NPHP4: variants seen among roughly 807,000 people sequenced by gnomAD.
NPHP4 encodes the protein nephrocystin 4.
A neutral mutation model predicts 155.8 loss-of-function variants in NPHP4; 151 were observed. The observed-to-expected ratio is 0.97, with a 90% CI of 0.85 to 1.11. The LOEUF is 1.11. NPHP4 is among the 50% of genes least tolerant of loss of function. NPHP4 has a pLI of 0.00. For synonymous variants in NPHP4, 845 were observed against 816.8 expected (o/e 1.03, Z -0.59); for missense variants, 1,956 against 1,925.7 (o/e 1.02, Z -0.29).
Position 5,867,717 on chromosome 1 carries a change from T to A in NPHP4, c.3472+23A>T. The A allele has an allele frequency of 6.2e-7, 1 of 1,605,800 alleles. No homozygotes were observed. The highest frequency in any genetic ancestry group is 8.5e-7 in the Non-Finnish European group (1 of 1,179,012). On this transcript the variant is annotated intron_variant, in intron 24 of 29. Transcript: ENST00000378156. The surrounding 1 kb of genome is among the most constrained non-coding windows in gnomAD (Gnocchi z 4.1). ...ACAGGTGAGCCTGCAACATGTGGGC[T>A]GCAGGGTCAGTGCAGGACCTGCCTG...
rs182955591 is a variant in NPHP4 at position 5,900,899 on chromosome 1, G to A, written c.2143+3718C>T. On this transcript the variant is annotated intron_variant, in intron 16 of 29. Transcript: ENST00000378156. ...TACAAAAAAAATATTAGTTGGGCAT[G>A]GTGGTGCATGCCTGTGGTCCCAGCT... Among the ~76,000 whole-genome samples, 86 of 152,214 alleles carry A rather than the reference G, an allele frequency of 5.6e-4. 1 individual carries two copies. In the East Asian group the frequency reaches 0.015, roughly 27 times the overall value.
At chr1:5,981,281 C>G (rs1025742178) in intron 2 of NPHP4, among the ~76,000 whole-genome samples, 2 of 152,170 alleles carry the variant, frequency 1.3e-5, no homozygotes, top group African/African-American at 4.8e-5. Flanking sequence ...CCTCCCACCA[C>G]CTCTATGCTA....
intron 29 of NPHP4, 70 bp downstream of exon 29, chr1:5,863,820 G>T: frequency 6.5e-7 from 1 of 1,530,068 alleles, no homozygotes; most frequent in Non-Finnish European, 9.0e-7. Context: ...GCTCCTAAAT[G>T]CAGGCTAACT....
chr1:5,946,672 T>C (rs1260593101), intron 9 of NPHP4, among the ~76,000 whole-genome samples: 1 of 152,222 alleles, frequency 6.6e-6, no homozygotes, highest in Non-Finnish European at 1.5e-5. Flanking sequence ...TGGTAGCCCC[T>C]AGGTGGCTTC....
chr1:5,894,686 CA>C (rs940495336), intron 16 of NPHP4, among the ~76,000 whole-genome samples: 131 of 142,736 alleles, frequency 9.2e-4, no homozygotes, highest in Middle Eastern at 3.5e-3. Flanking sequence ...TTAAGCAGCT[CA>C]AAAAAAAAAT....
Position 5,967,355 on chromosome 1 carries a change from A to T in NPHP4, c.461T>A (p.Leu154Gln), listed in dbSNP as rs1651714444. The T allele has an allele frequency of 1.2e-6, 2 of 1,606,362 alleles. No homozygotes were observed. Among genetic ancestry groups the T allele is most frequent in the African/African-American group, 1.3e-5 (1 of 74,854 alleles). Residue 154 changes from leucine (L) to glutamine (Q), a missense_variant, in exon 5 of 30, where the codon CTG (leucine) becomes CAG (glutamine). By Grantham distance (113) the Leu-to-Gln change is moderately radical. Transcript: ENST00000378156. ...GAGGGCTCTGGGGGTGCCATGGTACAGCCGCAACCTGGAAGACAGGACCCA... is the reference window on the plus strand; with the variant it reads ...GAGGGCTCTGGGGGTGCCATGGTACTGCCGCAACCTGGAAGACAGGACCCA... ...ISASQDKRLR[L>Q]YHGTPRALLH...
At chr1:5,981,874 AG>A (rs561675490) in intron 2 of NPHP4, among the ~76,000 whole-genome samples, 352 of 152,300 alleles carry the variant, frequency 2.3e-3, no homozygotes, top group Non-Finnish European at 4.4e-3. Context: ...AATATTCATG[AG>A]GGATACAAGT....
In NPHP4 at chr1:5,926,315, G is replaced by A. The variant is rs143371979; in HGVS notation, c.1441+1334C>T. The stretch of plus-strand genomic sequence containing the variant: ...AAATCAACTATTAAGTTTTGGTACC[G>A]GAATATTCTTAGATAGCTCAGAGAA... On this transcript the variant is annotated intron_variant, in intron 11 of 29. Coordinates refer to ENST00000378156, the MANE Select transcript of NPHP4 (RefSeq NM_015102.5). Among the ~76,000 whole-genome samples the A allele has an allele frequency of 5.8e-3, 884 of 152,234 alleles. 10 individuals carry two copies. Among genetic ancestry groups the A allele is most frequent in the African/African-American group, 0.019 (778 of 41,528 alleles).
intron 13 of NPHP4, among the ~76,000 whole-genome samples, chr1:5,906,354 C>T (rs1387730791): frequency 1.3e-5 from 2 of 152,238 alleles, no homozygotes; most frequent in African/African-American, 4.8e-5. Context: ...GAGGAGCTGG[C>T]TTGGGAGTTG....
chr1:5,956,991 T>C (rs558052007), intron 6 of NPHP4, among the ~76,000 whole-genome samples: 34 of 152,112 alleles, frequency 2.2e-4, no homozygotes, highest in African/African-American at 8.0e-4. Flanking sequence ...CCAACAAGCA[T>C]CCTTTTACTA....
rs1644862841 is a variant in NPHP4 at position 5,905,359 on chromosome 1, G to GT, written c.1887_1888insA (p.Pro630ThrfsTer22). 6.2e-7 allele frequency: 1 copy of GT among 1,613,782 alleles called. No homozygotes were observed. The highest frequency in any genetic ancestry group is 8.5e-7 in the Non-Finnish European group (1 of 1,179,804). On this transcript the variant is annotated frameshift_variant, in exon 15 of 30. Transcript: ENST00000378156. LOFTEE classifies it high-confidence loss of function. The surrounding 1 kb of genome is among the most constrained non-coding windows in gnomAD (Gnocchi z 4.0). The stretch of plus-strand genomic sequence containing the variant: ...AGACAATCTGATTCTTCCTTCTGAG[G>GT]GTTAAACGTCACAGGTTCTGTAGCG...
At chr1:5,893,144 G>C (rs1395782043) in intron 16 of NPHP4, among the ~76,000 whole-genome samples, 1 of 152,116 alleles carries the variant, frequency 6.6e-6, no homozygotes, top group Non-Finnish European at 1.5e-5. Context: ...TAATAAAAAC[G>C]AACCATGTAT....
At chr1:5,957,121 C>A (rs1385397337) in intron 6 of NPHP4, among the ~76,000 whole-genome samples, 2 of 152,332 alleles carry the variant, frequency 1.3e-5, no homozygotes, top group East Asian at 3.9e-4. Flanking sequence ...GCGTTCTGCC[C>A]TTCATGCTCT....
At chr1:5,869,944 T>C (rs1641827040) in intron 23 of NPHP4, among the ~76,000 whole-genome samples, 1 of 152,192 alleles carries the variant, frequency 6.6e-6, no homozygotes, top group Admixed American at 6.5e-5. Flanking sequence ...CTAGAAACAG[T>C]AGTCTGTGCA....
intron 3 of NPHP4, among the ~76,000 whole-genome samples, chr1:5,972,013 T>A (rs1253590961): frequency 6.6e-6 from 1 of 152,242 alleles, no homozygotes; most frequent in African/African-American, 2.4e-5. Flanking sequence ...CGGGGCCCAG[T>A]TTCCATTTTT....
chr1:5,919,825 G>A (rs982830293), intron 11 of NPHP4, among the ~76,000 whole-genome samples: 3 of 151,752 alleles, frequency 2.0e-5, no homozygotes, highest in Admixed American at 6.6e-5. Context: ...CTGCAGCCTC[G>A]AATTCCTGGG....
chr1:5,913,256 TG>T (rs1645285047), intron 11 of NPHP4, among the ~76,000 whole-genome samples: 1 of 151,758 alleles, frequency 6.6e-6, no homozygotes. Context: ...CACACACCTC[TG>T]GCCCAGAGCC....
intron 16 of NPHP4, among the ~76,000 whole-genome samples, chr1:5,894,348 T>C (rs1213336777): frequency 6.6e-6 from 1 of 151,864 alleles, no homozygotes; most frequent in Non-Finnish European, 1.5e-5. Context: ...CAGCTACTCA[T>C]GAGACTGAGG....
At chr1:5,924,497 C>T (rs1223855841) in intron 11 of NPHP4, among the ~76,000 whole-genome samples, 1 of 152,040 alleles carries the variant, frequency 6.6e-6, no homozygotes, top group African/African-American at 2.4e-5. Context: ...ACAGGGCAGC[C>T]AGGGAAGTAA....
Sources: gnomAD v4.1 joint callset for allele counts (sites outside exome capture counted in the v4.1 genomes callset) on GRCh38, gnomAD v4.1.1 for gene constraint, Gnocchi (gnomAD v3.1) non-coding constraint, MANE v1.5 for transcripts, NCBI Gene and HGNC (gene_info 2026-07-23, HGNC 2026-07-21) for gene names.